Variants in FARP1 observed in about 807,000 individuals in gnomAD.
The protein encoded by FARP1 is FERM, ARHGEF and pleckstrin domain-containing protein 1.
In FARP1, 52 loss-of-function variants were observed where a neutral mutation model predicts 128.8. The ratio of observed to expected loss-of-function variants is 0.40; its 90% CI spans 0.32 to 0.51. The LOEUF (loss-of-function observed/expected upper bound fraction) is 0.51, where lower values mean the gene tolerates loss of function less well. Ranked by LOEUF, FARP1 falls within the 20% of genes least tolerant of loss-of-function variation. The pLI is 0.45. For missense variants in FARP1, 1,333 were observed against 1,367.9 expected (o/e 0.97, Z 0.40); for synonymous variants, 580 against 551.8 (o/e 1.05, Z -0.72).
At chr13:98,348,739 T>C (rs1888282531) in intron 3 of FARP1, among the ~76,000 whole-genome samples, 1 of 152,262 alleles carries the variant, frequency 6.6e-6, no homozygotes, top group African/African-American at 2.4e-5. Flanking sequence ...AATGTGATTC[T>C]TTTGATTTTT....
chr13:98,245,891 C>G (rs1222983050), intron 2 of FARP1, among the ~76,000 whole-genome samples: 8 of 151,274 alleles, frequency 5.3e-5, no homozygotes, highest in Non-Finnish European at 1.0e-4. Context: ...GCCTCAGCCT[C>G]CCGGGTAGCT....
chr13:98,348,048 G>A (rs917383767), intron 3 of FARP1, among the ~76,000 whole-genome samples: 2 of 152,356 alleles, frequency 1.3e-5, no homozygotes, highest in South Asian at 2.1e-4. Flanking sequence ...TAGTAAGGAT[G>A]TGAAGGAGTT....
In FARP1 at chr13:98,151,024, G is replaced by A. The variant is rs115474323; in HGVS notation, c.-24+7532G>A. Among the ~76,000 whole-genome samples the A allele has an allele frequency of 5.7e-3, 681 of 118,834 alleles. 7 individuals carry two copies. Among genetic ancestry groups the A allele is most frequent in the African/African-American group, 0.017 (647 of 39,186 alleles). 78.0% of individuals were successfully genotyped at this position (118,834 alleles called of 152,430 possible). On this transcript the variant is annotated intron_variant, in intron 1 of 26. Transcript: ENST00000319562. ...GCTTTCTGCAGTTTCAGTTACCCAC[G>A]GTCAACCACAGTCTGAATAAACAAT...
At chr13:98,205,162 A>G (rs1230122677) in intron 1 of FARP1, among the ~76,000 whole-genome samples, 3 of 152,218 alleles carry the variant, frequency 2.0e-5, no homozygotes, top group Non-Finnish European at 4.4e-5. Flanking sequence ...AAGACCAGCT[A>G]TGACTCAGGA....
At chr13:98,335,733 C>T (rs1396779264) in intron 2 of FARP1, among the ~76,000 whole-genome samples, 2 of 152,228 alleles carry the variant, frequency 1.3e-5, no homozygotes, top group African/African-American at 4.8e-5. Flanking sequence ...TGGTCAAAAT[C>T]TGCCAAAGGG....
intron 4 of FARP1, among the ~76,000 whole-genome samples, chr13:98,367,439 G>A (rs756170556): frequency 1.2e-4 from 18 of 151,484 alleles, no homozygotes; most frequent in Middle Eastern, 3.5e-3. Context: ...GTGAGCCACC[G>A]CGCCTGGCCA....
intron 3 of FARP1, among the ~76,000 whole-genome samples, chr13:98,353,037 G>T (rs748351256): frequency 1.3e-5 from 2 of 152,120 alleles, no homozygotes; most frequent in Admixed American, 6.5e-5. Context: ...CAATTTGGGG[G>T]TGGGGGCACC....
chr13:98,327,022 G>A (rs1229979776), intron 2 of FARP1, among the ~76,000 whole-genome samples: 1 of 152,200 alleles, frequency 6.6e-6, no homozygotes, highest in Non-Finnish European at 1.5e-5. Flanking sequence ...GTAGAATACT[G>A]TCGCTCTGAA....
intron 13 of FARP1, chr13:98,400,487 T>C (rs1465542332): frequency 2.0e-5 from 3 of 152,258 alleles, no homozygotes; most frequent in Non-Finnish European, 4.4e-5. Flanking sequence ...CATTATTCCG[T>C]ATTTCAGCAC....
At position 98,419,483 on chromosome 13, in the gene FARP1, T is replaced by TACACACACACACAC. The variant is rs57751374; in HGVS notation, c.1827-5068_1827-5055dup. On this transcript the variant is annotated intron_variant, in intron 16 of 26. Coordinates refer to ENST00000319562, the MANE Select transcript of FARP1 (RefSeq NM_005766.4). ...ACGAGACTCTGTCTCCAAAAAAAAA[T>TACACACACACACAC]ACACACACACACACACACACACACA... 5.5e-3 allele frequency among the ~76,000 whole-genome samples: 775 copies of TACACACACACACAC among 140,038 alleles called. 4 individuals are homozygous for TACACACACACACAC. The highest frequency in any genetic ancestry group is 0.011 in the Middle Eastern group (3 of 278). 91.9% of individuals were successfully genotyped at this position (140,038 alleles called of 152,430 possible). A position where few individuals can be genotyped will look rare whatever the true frequency, so the allele number is the denominator to read the frequency against.
chr13:98,385,624 A>G, intron 7 of FARP1, 43 bp from the exon 8 acceptor site: 1 of 1,570,858 alleles, frequency 6.4e-7, no homozygotes, highest in Non-Finnish European at 8.8e-7. Context: ...GATACAGGGA[A>G]TTCAAATCTC....
chr13:98,163,328 G>A (rs540887971), intron 1 of FARP1, among the ~76,000 whole-genome samples: 7 of 152,150 alleles, frequency 4.6e-5, no homozygotes, highest in Admixed American at 1.3e-4. Flanking sequence ...GGAGAAGGGT[G>A]GCAGGAGGGG....
chr13:98,409,027 A>G (rs2140112455), intron 13 of FARP1, among the ~76,000 whole-genome samples: 1 of 152,352 alleles, frequency 6.6e-6, no homozygotes, highest in South Asian at 2.1e-4. Context: ...AGAAGTAAGC[A>G]GTAGTTGGGA....
intron 2 of FARP1, among the ~76,000 whole-genome samples, chr13:98,320,998 T>C (rs568874192): frequency 1.3e-5 from 2 of 152,220 alleles, no homozygotes; most frequent in African/African-American, 4.8e-5. Context: ...TTTCAATGTC[T>C]GTGACTCACG....
chr13:98,399,400 C>G (rs1890673790), intron 13 of FARP1: 2 of 152,396 alleles, frequency 1.3e-5, no homozygotes, highest in Admixed American at 1.3e-4. Context: ...ACCCTCCAAA[C>G]CTTCTGACTT....
At chr13:98,192,425 T>TG (rs1879298275) in intron 1 of FARP1, among the ~76,000 whole-genome samples, 1 of 152,190 alleles carries the variant, frequency 6.6e-6, no homozygotes, top group Admixed American at 6.5e-5. Flanking sequence ...AGTCTTGCTC[T>TG]GTCTCCCAGA....
intron 1 of FARP1, among the ~76,000 whole-genome samples, chr13:98,198,208 C>G (rs1879699025): frequency 6.6e-6 from 1 of 152,222 alleles, no homozygotes; most frequent in African/African-American, 2.4e-5. Context: ...ACAGCAGTGT[C>G]TGCCAGTGAG....
chr13:98,404,586 A>G (rs1890906156), intron 13 of FARP1: 1 of 152,226 alleles, frequency 6.6e-6, no homozygotes, highest in African/African-American at 2.4e-5. Flanking sequence ...AAAAAAATAG[A>G]TGAAAACCTA....
intron 1 of FARP1, among the ~76,000 whole-genome samples, chr13:98,154,198 T>A (rs1310269168): frequency 6.6e-6 from 1 of 152,216 alleles, no homozygotes; most frequent in African/African-American, 2.4e-5. Flanking sequence ...TTGACTTGTG[T>A]CCAGTTTGGA....
Sources: gnomAD v4.1 joint callset for allele counts (sites outside exome capture counted in the v4.1 genomes callset) on GRCh38, gnomAD v4.1.1 for gene constraint, MANE v1.5 for transcripts, NCBI Gene and HGNC (gene_info 2026-07-23, HGNC 2026-07-21) for gene names.